ST8SIA4: variants seen among roughly 807,000 people sequenced by gnomAD.
ST8SIA4 encodes CMP-N-acetylneuraminate-poly-alpha-2,8-sialyltransferase.
In ST8SIA4, 15 loss-of-function variants were observed where a neutral mutation model predicts 33.9. That is an observed-to-expected ratio of 0.44 (90% CI 0.30 to 0.68). The LOEUF (loss-of-function observed/expected upper bound fraction) is 0.68, where lower values mean the gene tolerates loss of function less well. Among genes scored for constraint, ST8SIA4 ranks in the 30% least tolerant of loss-of-function variants. ST8SIA4 has a pLI of 0.10. For missense variants in ST8SIA4, 321 were observed against 428.0 expected (o/e 0.75, Z 2.21); for synonymous variants, 171 against 151.2 (o/e 1.13, Z -0.96).
intron 4 of ST8SIA4, among the ~76,000 whole-genome samples, chr5:100,853,992 TGTGTGTGTGTGTGTGTGTATG>T (rs1310157099): frequency 0.022 from 558 of 25,208 alleles, 2 homozygotes; most frequent in African/African-American, 0.048. Flanking sequence ...TGTATGTGTG[TGTGTGTGTGTGTGTGTGTATG>T]TTTAAGATGG....
intron 4 of ST8SIA4, among the ~76,000 whole-genome samples, chr5:100,813,609 A>G (rs954316346): frequency 6.6e-6 from 1 of 152,074 alleles, no homozygotes; most frequent in Middle Eastern, 3.2e-3. Context: ...AAGAAAACAT[A>G]GACAGTGATT....
At chr5:100,853,614 T>C (rs1035022176) in intron 4 of ST8SIA4, among the ~76,000 whole-genome samples, 1 of 152,218 alleles carries the variant, frequency 6.6e-6, no homozygotes, top group Non-Finnish European at 1.5e-5. Flanking sequence ...ATTAGTGAAG[T>C]AGTTTATATT....
At chr5:100,814,770 A>G (rs1439849351) in intron 4 of ST8SIA4, among the ~76,000 whole-genome samples, 1 of 151,962 alleles carries the variant, frequency 6.6e-6, no homozygotes, top group Admixed American at 6.6e-5. Flanking sequence ...AACCAGTAAC[A>G]AATTCCACAT....
At chr5:100,861,471 C>T (rs1362556168) in intron 3 of ST8SIA4, among the ~76,000 whole-genome samples, 1 of 152,072 alleles carries the variant, frequency 6.6e-6, no homozygotes, top group Non-Finnish European at 1.5e-5. Flanking sequence ...TCCGATACTT[C>T]TGTGAAAAGA....
intron 4 of ST8SIA4, among the ~76,000 whole-genome samples, chr5:100,830,448 T>C (rs1320659973): frequency 1.3e-5 from 2 of 152,254 alleles, no homozygotes; most frequent in Non-Finnish European, 1.5e-5. Flanking sequence ...TATTTATCGT[T>C]GAATAAAACA....
At chr5:100,812,645 T>C (rs1055984163) in intron 4 of ST8SIA4, among the ~76,000 whole-genome samples, 2 of 152,142 alleles carry the variant, frequency 1.3e-5, no homozygotes, top group African/African-American at 4.8e-5. Context: ...CAAGTCACAA[T>C]TTACTAAAGC....
At chr5:100,873,681 C>A (rs999386448) in intron 3 of ST8SIA4, among the ~76,000 whole-genome samples, 1 of 152,088 alleles carries the variant, frequency 6.6e-6, no homozygotes, top group African/African-American at 2.4e-5. Flanking sequence ...TTGAGAGTTT[C>A]TACAATCTCC....
chr5:100,875,302 T>G (rs750456632), intron 3 of ST8SIA4, among the ~76,000 whole-genome samples: 1 of 152,174 alleles, frequency 6.6e-6, no homozygotes. Context: ...AGAATGCTGA[T>G]AGCTTATGGC....
intron 4 of ST8SIA4, among the ~76,000 whole-genome samples, chr5:100,842,726 A>C (rs1482599276): frequency 6.6e-6 from 1 of 151,868 alleles, no homozygotes; most frequent in Non-Finnish European, 1.5e-5. Context: ...AATTTGAATA[A>C]AATGCAGAAT....
chr5:100,884,217 C>T (rs1248615000), intron 3 of ST8SIA4, among the ~76,000 whole-genome samples: 2 of 152,054 alleles, frequency 1.3e-5, no homozygotes, highest in South Asian at 2.1e-4. Context: ...AATTAGGTGC[C>T]TAAAACATAA....
rs1245320144 is a variant in ST8SIA4, at chr5:100,810,274, C to G, written c.*1573G>C. 2.6e-5 allele frequency: 4 copies of G among 152,136 alleles called. No individual in the cohort carries two copies. Among genetic ancestry groups the G allele is most frequent in the Non-Finnish European group, 5.9e-5 (4 of 68,020 alleles). 9.4% of individuals were successfully genotyped at this position (152,136 alleles called of 1,614,324 possible). On this transcript the variant is annotated 3_prime_UTR_variant, in exon 5 of 5. Transcript: ENST00000231461. ...GTGATATTGTGACTAAATTTAACTA[C>G]AGAAAATATCGGTCAATTAAATTCA...
At chr5:100,849,997 C>CACTT (rs1751656715) in intron 4 of ST8SIA4, among the ~76,000 whole-genome samples, 11 of 152,000 alleles carry the variant, frequency 7.2e-5, no homozygotes, top group Non-Finnish European at 2.9e-5. Context: ...TTTAAGTATA[C>CACTT]AGGTATCTTA....
rs1399402369 is a variant in ST8SIA4, at chr5:100,808,884, C to T, written c.*2963G>A. ...GTTTGTCTTCTTTGAACCCTAAATA[C>T]CTTTAACTGAATTCATTCTTGACTA... On this transcript the variant is annotated 3_prime_UTR_variant, in exon 5 of 5. Transcript: ENST00000231461. 6.6e-6 allele frequency: 1 copy of T among 152,556 alleles called. No individual in the cohort carries two copies. Among genetic ancestry groups the T allele is most frequent in the Non-Finnish European group, 1.5e-5 (1 of 68,018 alleles). 9.5% of individuals were successfully genotyped at this position (152,556 alleles called of 1,614,324 possible). A position where few individuals can be genotyped will look rare whatever the true frequency, so the allele number is the denominator to read the frequency against.
At chr5:100,847,461 G>A (rs1301335097) in intron 4 of ST8SIA4, among the ~76,000 whole-genome samples, 1 of 152,006 alleles carries the variant, frequency 6.6e-6, no homozygotes, top group East Asian at 1.9e-4. Flanking sequence ...AAGTTATCCT[G>A]CAGAAGGTCA....
At chr5:100,823,184 A>T (rs373702373) in intron 4 of ST8SIA4, among the ~76,000 whole-genome samples, 2 of 151,826 alleles carry the variant, frequency 1.3e-5, no homozygotes, top group East Asian at 3.9e-4. Context: ...CAAAACCAAG[A>T]CGGTGATGAG....
At chr5:100,850,680 A>G (rs1751672763) in intron 4 of ST8SIA4, among the ~76,000 whole-genome samples, 2 of 151,972 alleles carry the variant, frequency 1.3e-5, no homozygotes, top group South Asian at 4.1e-4. Flanking sequence ...CATATTATAC[A>G]GTATTCAGTA....
At chr5:100,860,597 T>G (rs1751914793) in intron 3 of ST8SIA4, among the ~76,000 whole-genome samples, 1 of 152,192 alleles carries the variant, frequency 6.6e-6, no homozygotes, top group Admixed American at 6.5e-5. Flanking sequence ...CATTTTGCTT[T>G]GAGGTAAAAA....
intron 4 of ST8SIA4, among the ~76,000 whole-genome samples, chr5:100,834,397 A>G (rs1751322923): frequency 6.6e-6 from 1 of 152,190 alleles, no homozygotes. Flanking sequence ...AATGCCTATA[A>G]TTTGGTATCG....
At chr5:100,836,834 T>C (rs544882069) in intron 4 of ST8SIA4, among the ~76,000 whole-genome samples, 1 of 152,142 alleles carries the variant, frequency 6.6e-6, no homozygotes, top group African/African-American at 2.4e-5. Context: ...ATAAAATCCA[T>C]CAGAGAAAAT....
Sources: allele counts gnomAD v4.1 joint callset (sites outside exome capture counted in the v4.1 genomes callset), GRCh38; gene constraint gnomAD v4.1.1; transcripts MANE v1.5; gene names NCBI Gene and HGNC (gene_info 2026-07-23, HGNC 2026-07-21).